Variants in PPCS observed in about 807,000 individuals in gnomAD.
PPCS encodes phosphopantothenoylcysteine synthetase.
PPCS carries 17 observed loss-of-function variants against 24.6 expected under a neutral mutation model. That is an observed-to-expected ratio of 0.69 (90% CI 0.47 to 1.04). The LOEUF is 1.04. Among genes scored for constraint, PPCS ranks in the 50% least tolerant of loss-of-function variants. The pLI is 0.00. For missense variants in PPCS, 360 were observed against 402.8 expected, an observed-to-expected ratio of 0.89 and a Z score of 0.91; for synonymous variants, 190 against 168.3, an observed-to-expected ratio of 1.13 and a Z score of -1.00.
chr1:42,469,475 C>T (rs970396466), intron 2 of PPCS, among the ~76,000 whole-genome samples: 1 of 152,152 alleles, frequency 6.6e-6, no homozygotes, highest in Non-Finnish European at 1.5e-5. Context: ...TTGTCCAAAA[C>T]AGGACAGTAG....
In PPCS at chr1:42,456,590, G is replaced by A; in HGVS notation, c.25G>A (p.Glu9Lys). Residue 9 changes from glutamate to lysine, a missense_variant, in exon 1 of 3, where the codon GAG (glutamate) becomes AAG (lysine). Physicochemically the swap from Glu to Lys is moderately conservative, Grantham distance 56. Around this residue, in one of 2 missense-constraint regions of PPCS, gnomAD observed 244 missense variants for 234.7 expected, o/e 1.04. Transcript: ENST00000372561. ...GATGGCGGAAATGGATCCGGTAGCCGAGTTCCCCCAGCCTCCCGGTGCTGC... is the reference window on the plus strand; with the variant it reads ...GATGGCGGAAATGGATCCGGTAGCCAAGTTCCCCCAGCCTCCCGGTGCTGC... Reference protein sequence around the residue: MAEMDPVAEFPQPPGAARW... With the variant: MAEMDPVAKFPQPPGAARW... 1 of 1,501,906 alleles carries A rather than the reference G, an allele frequency of 6.7e-7. No homozygotes were observed. The highest frequency in any genetic ancestry group is 8.9e-7 in the Non-Finnish European group (1 of 1,127,648). 93.0% of individuals were successfully genotyped at this position (1,501,906 alleles called of 1,614,324 possible).
chr1:42,464,863 C>T (rs187098437), downstream of PPCS, among the ~76,000 whole-genome samples: 33 of 152,298 alleles, frequency 2.2e-4, no homozygotes, highest in Admixed American at 2.6e-4. Context: ...TAGAAGCAGT[C>T]GTTTGTGATG....
At position 42,456,752 on chromosome 1, in the gene PPCS, G is replaced by C; in HGVS notation, c.187G>C (p.Gly63Arg). Reference protein sequence around the residue: ...PVRFLDNFSSGRRGATSAEAF... With the variant: ...PVRFLDNFSSRRRGATSAEAF... ...GCGCTTCCTGGACAACTTCAGCAGCGGGCGGCGCGGTGCAACCTCGGCCGA... is the reference window on the plus strand; with the variant it reads ...GCGCTTCCTGGACAACTTCAGCAGCCGGCGGCGCGGTGCAACCTCGGCCGA... The change falls in exon 1 of 3, where the codon GGG (glycine) becomes CGG (arginine). Residue 63 changes from glycine to arginine, a missense_variant. Physicochemically the swap from Gly to Arg is moderately radical, Grantham distance 125 (BLOSUM62 -2). Around this residue, in one of 2 missense-constraint regions of PPCS, gnomAD observed 244 missense variants for 234.7 expected, o/e 1.04. Transcript: ENST00000372561. 6.2e-7 allele frequency: 1 copy of C among 1,611,646 alleles called. No homozygotes were observed. The highest frequency in any genetic ancestry group is 8.5e-7 in the Non-Finnish European group (1 of 1,179,658).
intron 2 of PPCS, among the ~76,000 whole-genome samples, chr1:42,472,414 A>G (rs1174202427): frequency 1.3e-5 from 2 of 152,224 alleles, no homozygotes; most frequent in African/African-American, 2.4e-5. Context: ...AAGAAGTTGC[A>G]GAAAAGAACT....
At position 42,456,654 on chromosome 1, in the gene PPCS, T is replaced by C; in HGVS notation, c.89T>C (p.Leu30Pro). The C allele has an allele frequency of 6.3e-7, 1 of 1,597,694 alleles. No homozygotes were observed. The highest frequency in any genetic ancestry group is 8.5e-7 in the Non-Finnish European group (1 of 1,174,266). Reference protein sequence around the residue: ...AEVMARFAARLGAQGRRVVLV... With the variant: ...AEVMARFAARPGAQGRRVVLV... ...GTTATGGCTCGCTTCGCGGCCAGGC[T>C]GGGCGCGCAGGGCCGGCGGGTGGTG... The change falls in exon 1 of 3, where the codon CTG (leucine) becomes CCG (proline). Residue 30 changes from leucine (L) to proline (P), a missense_variant. Leu to Pro is a moderately conservative substitution (Grantham distance 98). Around this residue, in one of 2 missense-constraint regions of PPCS, gnomAD observed 244 missense variants for 234.7 expected, o/e 1.04. Coordinates refer to ENST00000372561, the MANE Select transcript of PPCS (RefSeq NM_024664.4).
intron 2 of PPCS, among the ~76,000 whole-genome samples, chr1:42,458,128 A>G (rs996369951): frequency 1.9e-4 from 29 of 152,302 alleles, no homozygotes; most frequent in South Asian, 6.2e-4. Flanking sequence ...CTTGCTTTGT[A>G]GAAGACTTTA....
chr1:42,459,967 T>G lies in PPCS; in HGVS notation c.*41T>G, dbSNP rs1643366145. On this transcript the variant is annotated 3_prime_UTR_variant, in exon 3 of 3. Transcript: ENST00000372561. Reference sequence around the variant, plus strand: ...TAGGATCAAAAATTGTTCAGGGCTCTTAGAGATGGTGAAAACTACAAAAAA... The same window carrying G: ...TAGGATCAAAAATTGTTCAGGGCTCGTAGAGATGGTGAAAACTACAAAAAA... 3 of 1,534,848 alleles carry G rather than the reference T, an allele frequency of 2.0e-6. No individual in the cohort carries two copies. In the East Asian group the frequency reaches 6.8e-5, roughly 35 times the overall value.
In PPCS at chr1:42,459,757, T is replaced by C; in HGVS notation, c.767T>C (p.Val256Ala). 1 of 1,614,228 alleles carries C rather than the reference T, an allele frequency of 6.2e-7. No homozygotes were observed. The highest frequency in any genetic ancestry group is 8.5e-7 in the Non-Finnish European group (1 of 1,180,038). The stretch of plus-strand genomic sequence containing the variant: ...GAAATTTATCAGCATCAAGTGGTGG[T>C]GGCTAATATCCTTGAGTCACGACAG... ...ALEIYQHQVVVANILESRQSF... is the reference protein window; with the variant it reads ...ALEIYQHQVVAANILESRQSF... The change falls in exon 3 of 3, where the codon GTG becomes GCG. Residue 256 changes from valine (V) to alanine (A), a missense_variant. Transcript: ENST00000372561.
chr1:42,456,712 G>T lies in PPCS; in HGVS notation c.147G>T (p.Leu49=), dbSNP rs774346773. ...CGTCAGGCGGCACCAAGGTCCCACT[G>T]GAAGCGCGGCCGGTGCGCTTCCTGG... is the stretch of plus-strand genomic sequence containing the variant. ...LVTSGGTKVP[L]EARPVRFLDN... Residue 49 remains leucine (L), a synonymous_variant, in exon 1 of 3, where the codon CTG becomes CTT. Coordinates refer to ENST00000372561, the MANE Select transcript of PPCS (RefSeq NM_024664.4). The T allele has an allele frequency of 4.1e-5, 66 of 1,608,898 alleles. No homozygotes were observed. The African/African-American group carries it at 5.5e-4, about 13-fold the overall frequency.
At chr1:42,462,896 A>G (rs140541778), downstream of PPCS, among the ~76,000 whole-genome samples, 1 of 152,350 alleles carries the variant, frequency 6.6e-6, no homozygotes, top group African/African-American at 2.4e-5. Flanking sequence ...GACACGATCT[A>G]GGCCTAAAAT....
chr1:42,456,982 G>A lies in PPCS; in HGVS notation c.417G>A (p.Ala139=), dbSNP rs1557775829. The A allele has an allele frequency of 6.2e-7, 1 of 1,602,984 alleles. No homozygotes were observed. Among genetic ancestry groups the A allele is most frequent in the Non-Finnish European group, 8.5e-7 (1 of 1,179,976 alleles). Residue 139 remains alanine (A), a synonymous_variant, in exon 1 of 3, where the codon GCG becomes GCA. Coordinates refer to ENST00000372561, the MANE Select transcript of PPCS (RefSeq NM_024664.4). Reference sequence around the variant, plus strand: ...CTCTGAGGAGCTACCAGGAGGCTGCGGCTGCAGGCACCTTCCTGGCAGTAG... The same window carrying A: ...CTCTGAGGAGCTACCAGGAGGCTGCAGCTGCAGGCACCTTCCTGGCAGTAG... ...AEALRSYQEA[A]AAGTFLAVEF...
At chr1:42,473,167 G>A in exon 3 of PPCS, 1 of 1,230,694 alleles carries the variant, frequency 8.1e-7, no homozygotes, top group Non-Finnish European at 1.0e-6. Flanking sequence ...TGAAAAAGAA[G>A]AAATCAATCC....
At chr1:42,470,958 G>A (rs1240695551) in intron 2 of PPCS, among the ~76,000 whole-genome samples, 1 of 152,172 alleles carries the variant, frequency 6.6e-6, no homozygotes, top group East Asian at 1.9e-4. Context: ...TAAATTTTAA[G>A]TTATGTATAT....
In PPCS at chr1:42,458,375, A is replaced by T. The variant is rs115148849; in HGVS notation, c.612+1025A>T. On this transcript the variant is annotated intron_variant, in intron 2 of 2. Transcript: ENST00000372561. ...ATTTTTGGAACCTTCAGGAGTTCTT[A>T]GTCATTTATTGGGTGATACAGGTAG... Among the ~76,000 whole-genome samples, 894 of 152,264 alleles carry T rather than the reference A, an allele frequency of 5.9e-3. 8 individuals carry two copies. Among genetic ancestry groups the T allele is most frequent in the African/African-American group, 0.02 (824 of 41,520 alleles).
At chr1:42,471,222 A>T (rs1320828814) in intron 2 of PPCS, among the ~76,000 whole-genome samples, 1 of 152,160 alleles carries the variant, frequency 6.6e-6, no homozygotes, top group East Asian at 1.9e-4. Context: ...ATCAGCAAGG[A>T]TCAGATCCAA....
At chr1:42,467,554 A>T (rs1031285900) in intron 2 of PPCS, among the ~76,000 whole-genome samples, 3 of 152,174 alleles carry the variant, frequency 2.0e-5, no homozygotes, top group African/African-American at 7.2e-5. Flanking sequence ...GAGAAGGAGG[A>T]GGGAAAGATG....
At chr1:42,467,235 A>G (rs1284524376) in intron 2 of PPCS, among the ~76,000 whole-genome samples, 2 of 152,362 alleles carry the variant, frequency 1.3e-5, no homozygotes, top group South Asian at 4.1e-4. Context: ...AAGGTTAAGC[A>G]GCAAGTGATT....
At position 42,467,167 on chromosome 1, in the gene PPCS, T is replaced by C. The variant is rs558065961; in HGVS notation, n.378-5955T>C. Among the ~76,000 whole-genome samples the C allele has an allele frequency of 2.6e-5, 4 of 152,190 alleles. No individual in the cohort carries two copies. In the East Asian group the frequency reaches 5.8e-4, roughly 22 times the overall value. On this transcript the variant is annotated intron_variant and non_coding_transcript_variant, in intron 2 of 2. Transcript: ENST00000471420. ...GCTAGAGAGACTGGGAGGAACCAGATTGTGAAGAATATCTGGTCCCAAGCT... is the reference window on the plus strand; with the variant it reads ...GCTAGAGAGACTGGGAGGAACCAGACTGTGAAGAATATCTGGTCCCAAGCT...
rs548483674 is a variant in PPCS, at chr1:42,472,851, C to T, written n.378-271C>T. Among the ~76,000 whole-genome samples the T allele has an allele frequency of 4.6e-5, 7 of 152,126 alleles. No individual in the cohort carries two copies. In the East Asian group the frequency reaches 7.7e-4, roughly 17 times the overall value. ...TCATATATACATAGACTTCTTTATT[C>T]CTGCTTTCAGTTTTCCTCACATAGC... On this transcript the variant is annotated intron_variant and non_coding_transcript_variant, in intron 2 of 2. Transcript: ENST00000471420.
Sources: allele counts gnomAD v4.1 joint callset (sites outside exome capture counted in the v4.1 genomes callset), GRCh38; gene constraint gnomAD v4.1.1; regional missense constraint gnomAD v4.1.1; transcripts MANE v1.5; gene names NCBI Gene and HGNC (gene_info 2026-07-23, HGNC 2026-07-21).